The following ZFPM2 variants were observed in gnomAD, a reference collection of about 807,000 sequenced individuals.
ZFPM2 encodes zinc finger protein, FOG family member 2.
ZFPM2 carries 20 observed loss-of-function variants against 98.6 expected under a neutral mutation model. That is an observed-to-expected ratio of 0.20 (90% CI 0.14 to 0.29). The LOEUF (loss-of-function observed/expected upper bound fraction) is 0.29. ZFPM2 is among the 10% of genes least tolerant of loss of function. ZFPM2 has a pLI of 1.00. For missense variants in ZFPM2, 1,310 were observed against 1,388.6 expected, an observed-to-expected ratio of 0.94 and a Z score of 0.90; for synonymous variants, 518 against 502.7, an observed-to-expected ratio of 1.03 and a Z score of -0.41.
intron 1 of ZFPM2, among the ~76,000 whole-genome samples, chr8:105,332,693 G>A (rs1055716447): frequency 9.2e-5 from 14 of 151,608 alleles, no homozygotes; most frequent in African/African-American, 3.4e-4. Flanking sequence ...ATTGCTGTGG[G>A]CATTGAGGTT....
At chr8:105,325,529 A>C (rs1430207917) in intron 1 of ZFPM2, among the ~76,000 whole-genome samples, 2 of 151,774 alleles carry the variant, frequency 1.3e-5, no homozygotes, top group African/African-American at 4.8e-5. Context: ...ACATCAGCAA[A>C]ATATCAATAT....
At chr8:105,581,070 A>C (rs1815585481) in intron 4 of ZFPM2, among the ~76,000 whole-genome samples, 1 of 152,082 alleles carries the variant, frequency 6.6e-6, no homozygotes, top group African/African-American at 2.4e-5. Flanking sequence ...GGAAATACTT[A>C]TTTTATCAAT....
chr8:105,721,140 C>G (rs1586219247), intron 5 of ZFPM2, among the ~76,000 whole-genome samples: 1 of 151,860 alleles, frequency 6.6e-6, no homozygotes, highest in East Asian at 1.9e-4. Flanking sequence ...TCCATGCATA[C>G]TCCAGTTCTG....
intron 5 of ZFPM2, among the ~76,000 whole-genome samples, chr8:105,703,064 G>A (rs1472678587): frequency 6.6e-6 from 1 of 151,926 alleles, no homozygotes; most frequent in African/African-American, 2.4e-5. Context: ...CCTGCCCCCC[G>A]CCCCGCGCCC....
At chr8:105,771,238 GTCT>G (rs1252922170) in intron 5 of ZFPM2, among the ~76,000 whole-genome samples, 1 of 151,940 alleles carries the variant, frequency 6.6e-6, no homozygotes, top group Non-Finnish European at 1.5e-5. Flanking sequence ...GATCCCCACT[GTCT>G]TCTTCTTTTT....
intron 5 of ZFPM2, among the ~76,000 whole-genome samples, chr8:105,729,660 C>T (rs1263379471): frequency 6.6e-6 from 1 of 151,602 alleles, no homozygotes; most frequent in African/African-American, 2.4e-5. Flanking sequence ...GAATCACTTT[C>T]AACTATTGGC....
chr8:105,611,545 C>G (rs1256668504), intron 4 of ZFPM2, among the ~76,000 whole-genome samples: 3 of 152,044 alleles, frequency 2.0e-5, no homozygotes, highest in Admixed American at 2.0e-4. Flanking sequence ...GGCTCAAAAA[C>G]TCCAAGGATC....
intron 4 of ZFPM2, among the ~76,000 whole-genome samples, chr8:105,591,823 A>C (rs2130765951): frequency 6.6e-6 from 1 of 152,304 alleles, no homozygotes; most frequent in South Asian, 2.1e-4. Flanking sequence ...CCACAAAATT[A>C]ATAACAAGGA....
At chr8:105,597,549 G>T (rs1403440534) in intron 4 of ZFPM2, among the ~76,000 whole-genome samples, 2 of 152,090 alleles carry the variant, frequency 1.3e-5, no homozygotes, top group South Asian at 4.1e-4. Flanking sequence ...TCATTAAAGA[G>T]TATAGAGAAC....
chr8:105,784,328 T>TTA (rs1813348764), intron 5 of ZFPM2, among the ~76,000 whole-genome samples: 1 of 128,426 alleles, frequency 7.8e-6, no homozygotes, highest in African/African-American at 5.0e-5. Flanking sequence ...TTTTAACTGG[T>TTA]CCACAATAGT....
chr8:105,535,457 G>T (rs1436005425), intron 3 of ZFPM2, among the ~76,000 whole-genome samples: 1 of 152,098 alleles, frequency 6.6e-6, no homozygotes, highest in East Asian at 1.9e-4. Flanking sequence ...CTCGTATGTT[G>T]CATATAATAA....
At chr8:105,724,840 A>G (rs902896603) in intron 5 of ZFPM2, among the ~76,000 whole-genome samples, 8 of 151,536 alleles carry the variant, frequency 5.3e-5, no homozygotes, top group Admixed American at 1.3e-4. Context: ...TGGCACACCT[A>G]TTTCTTAATT....
chr8:105,422,437 T>C (rs991165665), intron 2 of ZFPM2, among the ~76,000 whole-genome samples: 10 of 137,660 alleles, frequency 7.3e-5, no homozygotes, highest in African/African-American at 2.0e-4. Context: ...CAAGACTCCG[T>C]CTCAAAAAGA....
chr8:105,420,210 A>G (rs1811764355), intron 2 of ZFPM2, among the ~76,000 whole-genome samples: 1 of 152,170 alleles, frequency 6.6e-6, no homozygotes, highest in Admixed American at 6.5e-5. Context: ...GATAAATATA[A>G]TAAAGTGGAC....
At chr8:105,628,832 A>G (rs539876965) in intron 4 of ZFPM2, among the ~76,000 whole-genome samples, 28 of 152,150 alleles carry the variant, frequency 1.8e-4, no homozygotes, top group Admixed American at 1.8e-3. Flanking sequence ...CCACCAGACA[A>G]GAGCTTGGGA....
chr8:105,744,350 A>G (rs1165303147), intron 5 of ZFPM2, among the ~76,000 whole-genome samples: 1 of 152,114 alleles, frequency 6.6e-6, no homozygotes, highest in Non-Finnish European at 1.5e-5. Flanking sequence ...ATTAGGAACC[A>G]TGGTCTCACC....
chr8:105,784,294 T>C (rs1468066558), intron 5 of ZFPM2, among the ~76,000 whole-genome samples: 3 of 152,042 alleles, frequency 2.0e-5, no homozygotes, highest in South Asian at 2.1e-4. Flanking sequence ...CAGATCCACA[T>C]AGATTGCTAG....
intron 5 of ZFPM2, among the ~76,000 whole-genome samples, chr8:105,646,309 T>G (rs925979846): frequency 1.3e-5 from 2 of 152,138 alleles, no homozygotes; most frequent in Admixed American, 6.5e-5. Context: ...TTCAGTTGTT[T>G]TGTCAAAACT....
chr8:105,335,586 C>G (rs935301048), intron 1 of ZFPM2, among the ~76,000 whole-genome samples: 5 of 151,628 alleles, frequency 3.3e-5, no homozygotes, highest in Admixed American at 6.6e-5. Context: ...GAAAATGAAC[C>G]CAAAGTGCAT....
Sources: gnomAD v4.1 joint callset for allele counts (sites outside exome capture counted in the v4.1 genomes callset) on GRCh38, gnomAD v4.1.1 for gene constraint, MANE v1.5 for transcripts, NCBI Gene and HGNC (gene_info 2026-07-23, HGNC 2026-07-21) for gene names.